XRN2: variants seen among roughly 807,000 people sequenced by gnomAD.
XRN2 encodes 5'-3' exoribonuclease 2.
In XRN2, 44 loss-of-function variants were observed where a neutral mutation model predicts 138.5. The ratio of observed to expected loss-of-function variants is 0.32; its 90% confidence interval spans 0.25 to 0.41. The LOEUF (loss-of-function observed/expected upper bound fraction) is 0.41. XRN2 is among the 10% of genes least tolerant of loss of function. The pLI, the probability that XRN2 is intolerant of heterozygous loss-of-function variation, is 1.00. For missense variants in XRN2, 937 were observed against 1,169.3 expected, an observed-to-expected ratio of 0.80 and a Z score of 2.90; for synonymous variants, 354 against 369.4, an observed-to-expected ratio of 0.96 and a Z score of 0.48.
chr20:21,321,594 A>T (rs1469460857), intron 1 of XRN2, among the ~76,000 whole-genome samples: 1 of 152,076 alleles, frequency 6.6e-6, no homozygotes, highest in Non-Finnish European at 1.5e-5. Flanking sequence ...TGCTGATTAC[A>T]GGCATGAGCC....
intron 1 of XRN2, among the ~76,000 whole-genome samples, chr20:21,319,007 C>T (rs2080824234): frequency 6.6e-6 from 1 of 151,938 alleles, no homozygotes; most frequent in South Asian, 2.1e-4. Flanking sequence ...TTGAAGTCTC[C>T]AGCTATCATT....
At position 21,389,353 on chromosome 20, in the gene XRN2, T is replaced by G; in HGVS notation, c.*15T>G. On this transcript the variant is annotated 3_prime_UTR_variant, in exon 30 of 30. Transcript: ENST00000377191. ...ATTGGAATTAAGCTTTTGTAAAGCT[T>G]TCCCAAATCCTTTCATCATTCTACA... 3 of 1,609,014 alleles carry G rather than the reference T, an allele frequency of 1.9e-6. No homozygotes were observed. Among genetic ancestry groups the G allele is most frequent in the Non-Finnish European group, 2.5e-6 (3 of 1,177,496 alleles).
At position 21,328,651 on chromosome 20, in the gene XRN2, G is replaced by A. The variant is rs2038161198; in HGVS notation, c.408G>A (p.Arg136=). 2 of 1,613,798 alleles carry A rather than the reference G, an allele frequency of 1.2e-6. No individual in the cohort carries two copies. The change falls in exon 4 of 30, where the codon AGG becomes AGA. Residue 136 remains arginine, a synonymous_variant. Transcript: ENST00000377191. Reference sequence around the variant, plus strand: ...CAGCAGTCGAGAAGCAGCGAGTCAGGGAAGAAATATTGGCAAAAGGTAAAG... The same window carrying A: ...CAGCAGTCGAGAAGCAGCGAGTCAGAGAAGAAATATTGGCAAAAGGTAAAG... The part of the protein sequence containing the change: ...MEAAVEKQRV[R]EEILAKGGFL...
chr20:21,344,658 C>G (rs1255824228), intron 16 of XRN2, among the ~76,000 whole-genome samples: 3 of 152,188 alleles, frequency 2.0e-5, no homozygotes, highest in African/African-American at 7.2e-5. Context: ...ATGCAGAAAT[C>G]ATTCTGTTAA....
At chr20:21,340,629 T>G in intron 14 of XRN2, 92 bp from the exon 15 acceptor site, 1 of 1,434,806 alleles carries the variant, frequency 7.0e-7, no homozygotes, top group Non-Finnish European at 9.5e-7. Flanking sequence ...TGCTTACAGT[T>G]TGGACTTTAT....
At chr20:21,348,593 C>A (rs993780643) in intron 19 of XRN2, among the ~76,000 whole-genome samples, 163 bp downstream of exon 19, 6 of 152,130 alleles carry the variant, frequency 3.9e-5, no homozygotes, top group African/African-American at 1.4e-4. Flanking sequence ...TTTGGCCCTG[C>A]ACAGTAAATC....
At chr20:21,312,389 C>T (rs917944095) in intron 1 of XRN2, among the ~76,000 whole-genome samples, 18 of 151,378 alleles carry the variant, frequency 1.2e-4, no homozygotes, top group African/African-American at 2.9e-4. Flanking sequence ...CCACCGTGCC[C>T]GGCCTTAGGT....
intron 20 of XRN2, among the ~76,000 whole-genome samples, chr20:21,351,251 T>C (rs2038507119): frequency 6.6e-6 from 1 of 152,188 alleles, no homozygotes; most frequent in Non-Finnish European, 1.5e-5. Flanking sequence ...CTTCACATCC[T>C]CTCCAACATT....
chr20:21,382,081 T>G, intron 28 of XRN2, 24 bp downstream of exon 28: 1 of 1,583,188 alleles, frequency 6.3e-7, no homozygotes, highest in Non-Finnish European at 8.6e-7. Context: ...TAGACATGAC[T>G]TTTAAATACT....
chr20:21,367,198 C>G (rs6106362), intron 26 of XRN2, among the ~76,000 whole-genome samples: 1 of 152,076 alleles, frequency 6.6e-6, no homozygotes, highest in Admixed American at 6.5e-5. Context: ...ATCCTTTGCC[C>G]TTTTTAGTTA....
Position 21,331,612 on chromosome 20 carries a change from G to C in XRN2, c.628G>C (p.Asp210His). The change falls in exon 7 of 30, where the codon GAT becomes CAT. Residue 210 changes from aspartate (D) to histidine (H), a missense_variant. By Grantham distance (81) the Asp-to-His change is moderately conservative. Around this residue, in one of 6 missense-constraint regions of XRN2, gnomAD observed 471 missense variants for 581.2 expected, o/e 0.81. Transcript: ENST00000377191. ...APGEGEHKIM[D>H]YIRRQRAQPN... is the part of the protein sequence containing the mutation. ...TGGTGAAGGAGAACATAAAATCATG[G>C]ATTACATTAGAAGGCAAAGAGGTAA... The C allele has an allele frequency of 6.2e-7, 1 of 1,612,546 alleles. No homozygotes were observed. Among genetic ancestry groups the C allele is most frequent in the South Asian group, 1.1e-5 (1 of 90,694 alleles).
At position 21,349,606 on chromosome 20, in the gene XRN2, G is replaced by T. The variant is rs950432795; in HGVS notation, c.1936+145G>T. 12 of 680,968 alleles carry T rather than the reference G, an allele frequency of 1.8e-5. No homozygotes were observed. In the African/African-American group the frequency reaches 2.2e-4, roughly 12 times the overall value. The allele number at this position is 680,968 out of a possible 1,614,324, so 42.2% of individuals were successfully genotyped here. A position where few individuals can be genotyped will look rare whatever the true frequency, so the allele number is the denominator to read the frequency against. ...AAAAATACAAAAATTAGCCTGGCGT[G>T]GTGGCTTGCACCTGTAGTCCCATCT... On this transcript the variant is annotated intron_variant, in intron 20 of 29. Transcript: ENST00000377191.
At chr20:21,352,289 A>G (rs1311091302) in intron 20 of XRN2, among the ~76,000 whole-genome samples, 5 of 152,132 alleles carry the variant, frequency 3.3e-5, no homozygotes, top group Non-Finnish European at 7.4e-5. Flanking sequence ...ATATCTGGAT[A>G]CGTCAACATT....
chr20:21,338,941 G>A (rs969889077), intron 13 of XRN2, 103 bp from the exon 14 acceptor site: 65 of 1,085,108 alleles, frequency 6.0e-5, no homozygotes, highest in African/African-American at 2.1e-4. Context: ...TTCTGGGGTC[G>A]TCCTTTAAAA....
rs1207509425 is a variant in XRN2, at chr20:21,307,905, G to A, written c.75+4432G>A. 3.9e-5 allele frequency among the ~76,000 whole-genome samples: 3 copies of A among 76,370 alleles called. 1 individual carries two copies. The highest frequency in any genetic ancestry group is 9.3e-5 in the Non-Finnish European group (3 of 32,410). 50.1% of individuals were successfully genotyped at this position (76,370 alleles called of 152,430 possible). ...AGTATACTTATTTTGAAATTCTTCCGTTGTTGTATGTGTCAGTAGTTTATT... is the reference window on the plus strand; with the variant it reads ...AGTATACTTATTTTGAAATTCTTCCATTGTTGTATGTGTCAGTAGTTTATT... On this transcript the variant is annotated intron_variant, in intron 1 of 29. Transcript: ENST00000377191.
intron 13 of XRN2, among the ~76,000 whole-genome samples, chr20:21,338,229 C>G (rs2038322922): frequency 6.6e-6 from 1 of 152,156 alleles, no homozygotes; most frequent in Admixed American, 6.5e-5. Context: ...TATGGCCACC[C>G]TAGCTGTCAT....
At position 21,331,430 on chromosome 20, in the gene XRN2, C is replaced by T. The variant is rs552728960; in HGVS notation, c.577-131C>T. The stretch of plus-strand genomic sequence containing the variant: ...ACACACACACACACACACACACACA[C>T]ACACACACCCTTATTCAGAAAATTT... On this transcript the variant is annotated intron_variant, in intron 6 of 29. Transcript: ENST00000377191. 22 of 724,584 alleles carry T rather than the reference C, an allele frequency of 3.0e-5. No individual in the cohort carries two copies. The East Asian group carries it at 5.5e-4, about 18-fold the overall frequency. 44.9% of individuals were successfully genotyped at this position (724,584 alleles called of 1,614,324 possible).
At chr20:21,369,338 C>G (rs1232478709) in intron 27 of XRN2, among the ~76,000 whole-genome samples, 1 of 152,144 alleles carries the variant, frequency 6.6e-6, no homozygotes, top group African/African-American at 2.4e-5. Flanking sequence ...AGGTTGCTTC[C>G]AAATCTTGGC....
At chr20:21,380,096 A>G (rs964873528) in intron 27 of XRN2, among the ~76,000 whole-genome samples, 3 of 152,262 alleles carry the variant, frequency 2.0e-5, no homozygotes, top group Middle Eastern at 6.8e-3. Flanking sequence ...CACAATATGG[A>G]ATTAAGTCCT....
Sources: gnomAD v4.1 joint callset for allele counts (sites outside exome capture counted in the v4.1 genomes callset) on GRCh38, gnomAD v4.1.1 for gene constraint, gnomAD v4.1.1 regional missense constraint, MANE v1.5 for transcripts, NCBI Gene and HGNC (gene_info 2026-07-23, HGNC 2026-07-21) for gene names.